CHODL: variants seen among roughly 807,000 people sequenced by gnomAD.
The protein encoded by CHODL is chondrolectin.
CHODL carries 29 observed loss-of-function variants against 34.5 expected under a neutral mutation model. The ratio of observed to expected loss-of-function variants is 0.84; its 90% CI spans 0.63 to 1.15. CHODL has a LOEUF of 1.15. Among genes scored for constraint, CHODL ranks in the 50% most tolerant of loss-of-function variants. The pLI, the probability that CHODL is intolerant of heterozygous loss-of-function variation, is 0.00. For synonymous variants in CHODL, 125 were observed against 116.1 expected, an observed-to-expected ratio of 1.08 and a Z score of -0.49; for missense variants, 332 against 332.5, an observed-to-expected ratio of 1.00 and a Z score of 0.01.
At chr21:18,073,257 G>C (rs935510857) in intron 2 of CHODL, among the ~76,000 whole-genome samples, 12 of 152,028 alleles carry the variant, frequency 7.9e-5, no homozygotes, top group African/African-American at 2.9e-4. Context: ...TTTAAATTAA[G>C]GTGAAAATCT....
At chr21:18,179,444 G>A (rs1320860253) in intron 2 of CHODL, among the ~76,000 whole-genome samples, 2 of 152,098 alleles carry the variant, frequency 1.3e-5, no homozygotes, top group Non-Finnish European at 1.5e-5. Flanking sequence ...AGCCAGTTAC[G>A]GCTCTTGCTT....
At chr21:18,147,988 G>C (rs1184817920) in intron 2 of CHODL, among the ~76,000 whole-genome samples, 2 of 152,126 alleles carry the variant, frequency 1.3e-5, no homozygotes, top group Non-Finnish European at 2.9e-5. Context: ...AACATAAAAG[G>C]AAATCCGATG....
intron 1 of CHODL, among the ~76,000 whole-genome samples, chr21:18,254,449 C>T (rs1267817907): frequency 1.3e-5 from 2 of 152,030 alleles, no homozygotes; most frequent in Non-Finnish European, 2.9e-5. Context: ...GCAGTCTGGG[C>T]ATAAGAAATA....
At chr21:18,204,508 A>G (rs2073690722) in intron 2 of CHODL, among the ~76,000 whole-genome samples, 1 of 152,168 alleles carries the variant, frequency 6.6e-6, no homozygotes, top group Non-Finnish European at 1.5e-5. Flanking sequence ...CCATAGACCT[A>G]TAACCTTGTT....
intron 5 of CHODL, among the ~76,000 whole-genome samples, chr21:18,264,932 G>A (rs943384582): frequency 1.3e-5 from 2 of 152,028 alleles, no homozygotes; most frequent in Non-Finnish European, 2.9e-5. Context: ...GAGGGGAATA[G>A]GCACATCCAT....
At chr21:18,195,800 C>T (rs548866578) in intron 2 of CHODL, among the ~76,000 whole-genome samples, 11 of 152,064 alleles carry the variant, frequency 7.2e-5, no homozygotes, top group Non-Finnish European at 1.0e-4. Context: ...CCACTGTATC[C>T]CCAGCCAGTA....
At chr21:18,066,295 A>G (rs1416724054) in intron 2 of CHODL, among the ~76,000 whole-genome samples, 1 of 152,184 alleles carries the variant, frequency 6.6e-6, no homozygotes, top group Non-Finnish European at 1.5e-5. Flanking sequence ...CTCAATTTTA[A>G]TGGATACTCT....
intron 2 of CHODL, among the ~76,000 whole-genome samples, chr21:18,121,756 TTAACTC>T (rs748338712): frequency 1.4e-4 from 21 of 152,302 alleles, no homozygotes; most frequent in Non-Finnish European, 2.6e-4. Context: ...ACACCTGTTT[TTAACTC>T]TCTAACCACT....
chr21:18,100,842 T>G lies in CHODL; in HGVS notation c.-45+72871T>G, dbSNP rs578103728. Among the ~76,000 whole-genome samples the G allele has an allele frequency of 2.0e-5, 3 of 152,264 alleles. No homozygotes were observed. The East Asian group carries it at 5.8e-4, about 29-fold the overall frequency. On this transcript the variant is annotated intron_variant, in intron 2 of 6. Coordinates refer to the CHODL transcript ENST00000400127. ...TATACTGTATGTGAAAAAATACTTT[T>G]GTGAATTCCATCTCATACAGAGATG...
At chr21:18,232,942 G>GATATATATATATATATATAT (rs371388519) in intron 2 of CHODL, among the ~76,000 whole-genome samples, 26 of 119,392 alleles carry the variant, frequency 2.2e-4, no homozygotes, top group African/African-American at 8.1e-4. Flanking sequence ...ATGATGTTAT[G>GATATATATATATATATATAT]ATATATATAT....
At chr21:17,958,648 A>G (rs1226273282) in intron 1 of CHODL, among the ~76,000 whole-genome samples, 1 of 152,176 alleles carries the variant, frequency 6.6e-6, no homozygotes, top group Non-Finnish European at 1.5e-5. Context: ...TTGTAAAACC[A>G]AAGTTAAGAT....
At chr21:18,079,121 A>G (rs2064903340) in intron 2 of CHODL, among the ~76,000 whole-genome samples, 1 of 151,836 alleles carries the variant, frequency 6.6e-6, no homozygotes, top group African/African-American at 2.4e-5. Flanking sequence ...TTTAACCCTC[A>G]TTTCCCTCCA....
At chr21:18,178,144 T>C (rs1203460937) in intron 2 of CHODL, among the ~76,000 whole-genome samples, 2 of 152,188 alleles carry the variant, frequency 1.3e-5, no homozygotes, top group Non-Finnish European at 2.9e-5. Flanking sequence ...AATTTTCTAA[T>C]ATAGTTCAAA....
intron 5 of CHODL, 27 bp from the exon 6 acceptor site, chr21:18,265,927 C>T (rs753885293): frequency 6.3e-7 from 1 of 1,594,156 alleles, no homozygotes; most frequent in Non-Finnish European, 8.6e-7. Flanking sequence ...ATTTTAGGCA[C>T]TAAACATTTT....
intron 2 of CHODL, among the ~76,000 whole-genome samples, chr21:18,146,819 C>G (rs1185772634): frequency 6.6e-6 from 1 of 152,198 alleles, no homozygotes; most frequent in Admixed American, 6.5e-5. Flanking sequence ...TTGGCATCCA[C>G]TCTTTTTTAT....
At chr21:18,059,658 C>G (rs1181758812) in intron 2 of CHODL, among the ~76,000 whole-genome samples, 1 of 152,098 alleles carries the variant, frequency 6.6e-6, no homozygotes, top group Non-Finnish European at 1.5e-5. Context: ...CCCAGCACCC[C>G]CAATAGGGCC....
At chr21:18,177,583 A>G (rs1235020314) in intron 2 of CHODL, among the ~76,000 whole-genome samples, 1 of 152,154 alleles carries the variant, frequency 6.6e-6, no homozygotes, top group Admixed American at 6.5e-5. Context: ...TTGACCCAAA[A>G]TTGAAATGCA....
intron 2 of CHODL, among the ~76,000 whole-genome samples, chr21:18,195,003 C>T (rs1363337241): frequency 6.6e-6 from 1 of 151,548 alleles, no homozygotes; most frequent in Non-Finnish European, 1.5e-5. Context: ...TTCAAGAATA[C>T]AATACATTGT....
At chr21:18,095,585 A>G (rs1327445416) in intron 2 of CHODL, among the ~76,000 whole-genome samples, 1 of 152,190 alleles carries the variant, frequency 6.6e-6, no homozygotes, top group East Asian at 1.9e-4. Flanking sequence ...TTTAAAGAAA[A>G]GCTAATACCA....
Sources: allele counts gnomAD v4.1 joint callset (sites outside exome capture counted in the v4.1 genomes callset), GRCh38; gene constraint gnomAD v4.1.1; transcripts MANE v1.5; gene names NCBI Gene and HGNC (gene_info 2026-07-23, HGNC 2026-07-21).